Variants in GRB14 observed in about 807,000 individuals in gnomAD.
The protein encoded by GRB14 is growth factor receptor-bound protein 14.
GRB14 carries 38 observed loss-of-function variants against 69.1 expected under a neutral mutation model. The ratio of observed to expected loss-of-function variants is 0.55; its 90% CI spans 0.42 to 0.72. The LOEUF (loss-of-function observed/expected upper bound fraction) is 0.72. GRB14 is among the 30% of genes least tolerant of loss of function. The pLI is 0.00. For synonymous variants in GRB14, 247 were observed against 241.3 expected (o/e 1.02, Z -0.22); for missense variants, 666 against 666.1 (o/e 1.00, Z 0.00).
In GRB14 at chr2:164,605,465, C is replaced by T. The variant is rs78843380; in HGVS notation, c.324+14222G>A. 4.0e-3 allele frequency among the ~76,000 whole-genome samples: 605 copies of T among 152,250 alleles called. 1 individual carries two copies. The highest frequency in any genetic ancestry group is 0.014 in the African/African-American group (581 of 41,560). The stretch of plus-strand genomic sequence containing the variant: ...AGTATACAGATCTAGCCTAGACTTA[C>T]ATGCACACTGCAATTGAGGCCGTGG... On this transcript the variant is annotated intron_variant, in intron 2 of 13. Coordinates refer to ENST00000263915, the MANE Select transcript of GRB14 (RefSeq NM_004490.3).
chr2:164,547,704 T>A lies in GRB14; in HGVS notation c.437A>T (p.Asp146Val). 1 of 1,613,806 alleles carries A rather than the reference T, an allele frequency of 6.2e-7. No individual in the cohort carries two copies. The highest frequency in any genetic ancestry group is 1.6e-4 in the Middle Eastern group (1 of 6,062). Reference sequence around the variant, plus strand: ...GTGCTCAAAAAGGGTCCAGCTGTGGTCATCAATGTAATGATTCTTCAGGAT... The same window carrying A: ...GTGCTCAAAAAGGGTCCAGCTGTGGACATCAATGTAATGATTCTTCAGGAT... ...LLILKNHYID[D>V]HSWTLFEHLP... The change falls in exon 3 of 14, where the codon GAC (aspartate) becomes GTC (valine). Residue 146 changes from aspartate (D) to valine (V), a missense_variant. Asp to Val is a radical substitution (Grantham distance 152). Coordinates refer to ENST00000263915, the MANE Select transcript of GRB14 (RefSeq NM_004490.3).
chr2:164,615,127 C>T (rs188179565), intron 2 of GRB14, among the ~76,000 whole-genome samples: 31 of 152,164 alleles, frequency 2.0e-4, no homozygotes, highest in Admixed American at 1.3e-3. Context: ...GAAGCATGGG[C>T]AAATCCCTTC....
chr2:164,574,241 CTTTT>C (rs769386864), intron 2 of GRB14, among the ~76,000 whole-genome samples: 5 of 137,064 alleles, frequency 3.6e-5, no homozygotes, highest in African/African-American at 5.4e-5. Context: ...GAAAAATTAT[CTTTT>C]TTTTTTTTTT....
intron 3 of GRB14, among the ~76,000 whole-genome samples, chr2:164,532,076 A>C (rs1687955401): frequency 6.6e-6 from 1 of 152,224 alleles, no homozygotes; most frequent in Non-Finnish European, 1.5e-5. Flanking sequence ...TGAAGACAAC[A>C]GTTGGATAAA....
chr2:164,586,052 T>G (rs1689530424), intron 2 of GRB14, among the ~76,000 whole-genome samples: 1 of 152,186 alleles, frequency 6.6e-6, no homozygotes, highest in African/African-American at 2.4e-5. Context: ...CAACATGTGC[T>G]TTGGGGCATA....
At chr2:164,617,951 C>CT (rs11438490) in intron 2 of GRB14, among the ~76,000 whole-genome samples, 34,523 of 55,584 alleles carry the variant, frequency 0.62, 11,290 homozygotes, top group Admixed American at 0.71. Flanking sequence ...AAGCCAGAAT[C>CT]TTTTTTTTGG....
At chr2:164,592,674 A>G (rs1689694006) in intron 2 of GRB14, among the ~76,000 whole-genome samples, 1 of 152,218 alleles carries the variant, frequency 6.6e-6, no homozygotes, top group Non-Finnish European at 1.5e-5. Flanking sequence ...AAAAACTGAA[A>G]GAAGAGAATC....
intron 2 of GRB14, among the ~76,000 whole-genome samples, chr2:164,601,376 G>T (rs940245450): frequency 5.3e-5 from 8 of 152,122 alleles, no homozygotes; most frequent in Admixed American, 5.2e-4. Context: ...ACATATTAAG[G>T]TTGGTTTCAT....
At chr2:164,515,550 A>C (rs968937366) in intron 6 of GRB14, among the ~76,000 whole-genome samples, 19 of 152,216 alleles carry the variant, frequency 1.2e-4, no homozygotes, top group Admixed American at 9.2e-4. Flanking sequence ...GTGGGACAAA[A>C]GAATCTGAAC....
intron 3 of GRB14, among the ~76,000 whole-genome samples, chr2:164,544,660 A>C (rs1410791135): frequency 6.6e-6 from 1 of 152,154 alleles, no homozygotes; most frequent in Non-Finnish European, 1.5e-5. Flanking sequence ...AGTATGACAT[A>C]CCTTTAGAAG....
intron 2 of GRB14, among the ~76,000 whole-genome samples, chr2:164,581,808 A>G (rs1422297275): frequency 6.6e-6 from 1 of 152,204 alleles, no homozygotes; most frequent in Non-Finnish European, 1.5e-5. Flanking sequence ...ACTTTTCTCA[A>G]CCAGATTCCT....
chr2:164,617,668 T>C (rs541454727), intron 2 of GRB14, among the ~76,000 whole-genome samples: 1 of 152,262 alleles, frequency 6.6e-6, no homozygotes, highest in East Asian at 1.9e-4. Flanking sequence ...ATTCTGCAAG[T>C]GTCCATTCAT....
intron 3 of GRB14, among the ~76,000 whole-genome samples, chr2:164,537,761 T>A (rs1426314340): frequency 6.6e-6 from 1 of 152,162 alleles, no homozygotes; most frequent in African/African-American, 2.4e-5. Flanking sequence ...TAGTTACATA[T>A]TGCCCATTTC....
intron 2 of GRB14, among the ~76,000 whole-genome samples, chr2:164,551,149 C>T (rs1357710411): frequency 6.6e-6 from 1 of 152,144 alleles, no homozygotes; most frequent in Non-Finnish European, 1.5e-5. Flanking sequence ...TTTATCAGTG[C>T]ACCATCGCCT....
chr2:164,523,533 T>C (rs1687690731), intron 5 of GRB14, among the ~76,000 whole-genome samples: 1 of 152,114 alleles, frequency 6.6e-6, no homozygotes, highest in Non-Finnish European at 1.5e-5. Context: ...AAGGAAATGC[T>C]GACAGTAGAT....
chr2:164,578,011 G>T (rs993335784), intron 2 of GRB14, among the ~76,000 whole-genome samples: 1 of 152,194 alleles, frequency 6.6e-6, no homozygotes, highest in Non-Finnish European at 1.5e-5. Flanking sequence ...GAGGCGGGCA[G>T]ATCACGAGGT....
At chr2:164,494,856 A>T (rs1686851449) in intron 12 of GRB14, among the ~76,000 whole-genome samples, 1 of 152,184 alleles carries the variant, frequency 6.6e-6, no homozygotes. Context: ...GGGTATTCAC[A>T]TGTAACTGTT....
chr2:164,611,214 C>G (rs1460325508), intron 2 of GRB14, among the ~76,000 whole-genome samples: 1 of 152,024 alleles, frequency 6.6e-6, no homozygotes, highest in South Asian at 2.1e-4. Context: ...ATTTTTTAAA[C>G]CAGGAAATTA....
intron 2 of GRB14, among the ~76,000 whole-genome samples, chr2:164,558,575 G>T (rs1054514321): frequency 2.6e-5 from 4 of 152,152 alleles, no homozygotes; most frequent in African/African-American, 9.7e-5. Context: ...TGCAATTCCT[G>T]CTAAGATGCC....
Sources: gnomAD v4.1 joint callset for allele counts (sites outside exome capture counted in the v4.1 genomes callset) on GRCh38, gnomAD v4.1.1 for gene constraint, MANE v1.5 for transcripts, NCBI Gene and HGNC (gene_info 2026-07-23, HGNC 2026-07-21) for gene names.